WWOX: variants seen among roughly 807,000 people sequenced by gnomAD.
The protein encoded by WWOX is WW domain-containing oxidoreductase.
WWOX carries 69 observed loss-of-function variants against 46.2 expected under a neutral mutation model. The ratio of observed to expected loss-of-function variants is 1.49; its 90% CI spans 1.23 to 1.82. The LOEUF is 1.82. Among genes scored for constraint, WWOX ranks in the 40% most tolerant of loss-of-function variants. The pLI is 0.00. For synonymous variants in WWOX, 359 were observed against 202.6 expected, an observed-to-expected ratio of 1.77 and a Z score of -6.56; for missense variants, 919 against 542.6, an observed-to-expected ratio of 1.69 and a Z score of -6.89.
intron 8 of WWOX, among the ~76,000 whole-genome samples, chr16:78,764,261 A>T (rs1465631731): frequency 6.6e-6 from 1 of 151,744 alleles, no homozygotes; most frequent in Non-Finnish European, 1.5e-5. Flanking sequence ...TTCCTGCCAG[A>T]ATTTCTCCGT....
chr16:79,175,616 A>G (rs983853348), intron 8 of WWOX, among the ~76,000 whole-genome samples: 2 of 152,184 alleles, frequency 1.3e-5, no homozygotes, highest in Admixed American at 6.5e-5. Context: ...CTGACCTTCC[A>G]TGGACTGTGT....
At chr16:79,011,593 G>T (rs1377194535) in intron 8 of WWOX, among the ~76,000 whole-genome samples, 1 of 151,654 alleles carries the variant, frequency 6.6e-6, no homozygotes, top group African/African-American at 2.4e-5. Flanking sequence ...CCTGGGCTCA[G>T]TCGATCCTCC....
intron 8 of WWOX, among the ~76,000 whole-genome samples, chr16:79,130,626 A>G (rs1240547196): frequency 6.6e-6 from 1 of 152,216 alleles, no homozygotes; most frequent in African/African-American, 2.4e-5. Context: ...TGAAACTCCT[A>G]TGCTGATCAC....
intron 8 of WWOX, among the ~76,000 whole-genome samples, chr16:79,031,807 TATA>T (rs1468418934): frequency 7.3e-6 from 1 of 137,172 alleles, no homozygotes; most frequent in Non-Finnish European, 1.6e-5. Flanking sequence ...TAGATATCTA[TATA>T]ATATATATAA....
At chr16:78,404,023 C>G (rs971300380) in intron 6 of WWOX, among the ~76,000 whole-genome samples, 2 of 152,130 alleles carry the variant, frequency 1.3e-5, no homozygotes, top group Middle Eastern at 3.2e-3. Flanking sequence ...AGCAACTCCA[C>G]CTAGCAGAAG....
intron 8 of WWOX, among the ~76,000 whole-genome samples, chr16:78,662,183 G>C (rs1181207922): frequency 6.6e-6 from 1 of 152,130 alleles, no homozygotes; most frequent in Non-Finnish European, 1.5e-5. Flanking sequence ...GCTACTCTGA[G>C]GATGAATTGC....
intron 8 of WWOX, among the ~76,000 whole-genome samples, chr16:78,864,641 C>G (rs1320627021): frequency 6.6e-6 from 1 of 152,076 alleles, no homozygotes. Flanking sequence ...TGTTGAGGTC[C>G]CATTGGGCCC....
In WWOX at chr16:78,864,754, C is replaced by CTTTTT. The variant is rs57606576; in HGVS notation, c.1057-346830_1057-346826dup. On this transcript the variant is annotated intron_variant, in intron 8 of 8. Transcript: ENST00000566780. Reference sequence around the variant, plus strand: ...CTGTGTGGCTATTTTTCTCCAACTCCTTTTTTTTTTTTTTTTTTTTTTTTT... The same window carrying CTTTTT: ...CTGTGTGGCTATTTTTCTCCAACTCCTTTTTTTTTTTTTTTTTTTTTTTTTTTTTT... Among the ~76,000 whole-genome samples, 119 of 87,146 alleles carry CTTTTT rather than the reference C, an allele frequency of 1.4e-3. 6 individuals carry two copies. The highest frequency in any genetic ancestry group is 5.1e-3 in the African/African-American group (107 of 21,046). The allele number at this position is 87,146 out of a possible 152,430, so 57.2% of individuals were successfully genotyped here. A position where few individuals can be genotyped will look rare whatever the true frequency, so the allele number is the denominator to read the frequency against.
chr16:79,060,051 T>G (rs912164631), intron 8 of WWOX, among the ~76,000 whole-genome samples: 15 of 152,186 alleles, frequency 9.9e-5, no homozygotes, highest in African/African-American at 3.4e-4. Flanking sequence ...TGAAACCAAA[T>G]TAGCTCAAAC....
intron 8 of WWOX, among the ~76,000 whole-genome samples, chr16:78,769,230 G>T (rs1031146477): frequency 6.6e-6 from 1 of 152,172 alleles, no homozygotes. Flanking sequence ...TATATACCAG[G>T]CGCTGTTACA....
At chr16:78,707,612 G>A (rs1433480971) in intron 8 of WWOX, among the ~76,000 whole-genome samples, 1 of 152,128 alleles carries the variant, frequency 6.6e-6, no homozygotes, top group Admixed American at 6.5e-5. Flanking sequence ...GCCCAGCATG[G>A]TGTCTCATGC....
intron 8 of WWOX, among the ~76,000 whole-genome samples, chr16:78,902,151 T>A (rs1362908392): frequency 6.6e-6 from 1 of 152,152 alleles, no homozygotes; most frequent in African/African-American, 2.4e-5. Context: ...AGGGAAACAT[T>A]TTTCTTCTGG....
At chr16:78,899,706 T>C (rs2044781278) in intron 8 of WWOX, 1 of 152,238 alleles carries the variant, frequency 6.6e-6, no homozygotes, top group South Asian at 2.1e-4. Flanking sequence ...CTTCTTCATA[T>C]TCCACTTTTT....
chr16:78,109,882 A>G (rs2032388872), intron 3 of WWOX, 47 bp downstream of exon 3: 1 of 1,594,044 alleles, frequency 6.3e-7, no homozygotes, highest in Non-Finnish European at 8.6e-7. Context: ...GCTTTTTAAT[A>G]GGAATTTTTA....
intron 8 of WWOX, among the ~76,000 whole-genome samples, chr16:78,959,117 T>C (rs1036208061): frequency 1.3e-5 from 2 of 152,206 alleles, no homozygotes; most frequent in Non-Finnish European, 2.9e-5. Context: ...AATTAGAATG[T>C]TTATCCGAAC....
chr16:78,446,212 G>A (rs375424034), intron 8 of WWOX, among the ~76,000 whole-genome samples: 11 of 152,156 alleles, frequency 7.2e-5, no homozygotes, highest in Non-Finnish European at 1.3e-4. Context: ...CATCATACTT[G>A]AGACCATGTT....
At chr16:79,074,904 G>A (rs560320583) in intron 8 of WWOX, among the ~76,000 whole-genome samples, 5 of 151,616 alleles carry the variant, frequency 3.3e-5, no homozygotes, top group South Asian at 2.1e-4. Context: ...AAAAATAAAC[G>A]TTTTGCCAAA....
rs1297713158 is a variant in WWOX at position 78,973,911 on chromosome 16, G to GT, written c.1057-237691dup. The stretch of plus-strand genomic sequence containing the variant: ...AAAAATTTGCATGTGTAGAATTTTG[G>GT]TTTTTTCTTCGGCGTGTTTATTTAA... On this transcript the variant is annotated intron_variant, in intron 8 of 8. Transcript: ENST00000566780. Among the ~76,000 whole-genome samples the GT allele has an allele frequency of 3.9e-5, 6 of 152,234 alleles. No individual in the cohort carries two copies. In the East Asian group the frequency reaches 5.8e-4, roughly 15 times the overall value.
chr16:79,162,362 A>G (rs1283510113), intron 8 of WWOX, among the ~76,000 whole-genome samples: 2 of 152,144 alleles, frequency 1.3e-5, no homozygotes, highest in Non-Finnish European at 2.9e-5. Flanking sequence ...CGCAGACCAG[A>G]GTTACGTGCA....
Sources: gnomAD v4.1 joint callset for allele counts (sites outside exome capture counted in the v4.1 genomes callset) on GRCh38, gnomAD v4.1.1 for gene constraint, MANE v1.5 for transcripts, NCBI Gene and HGNC (gene_info 2026-07-23, HGNC 2026-07-21) for gene names.